IKBKB: variants seen among roughly 807,000 people sequenced by gnomAD.
IKBKB encodes inhibitor of nuclear factor kappa-B kinase subunit beta.
Under a neutral mutation model 113.6 loss-of-function variants are expected in IKBKB, and 42 were observed. The observed-to-expected ratio is 0.37, with a 90% CI of 0.29 to 0.48. IKBKB has a LOEUF of 0.48. Among genes scored for constraint, IKBKB ranks in the 20% least tolerant of loss-of-function variants. The pLI is 0.99. For synonymous variants in IKBKB, 296 were observed against 361.3 expected (o/e 0.82, Z 2.05); for missense variants, 673 against 939.7 (o/e 0.72, Z 3.71).
At chr8:42,305,952 C>T (rs1258895713) in intron 6 of IKBKB, among the ~76,000 whole-genome samples, 1 of 152,244 alleles carries the variant, frequency 6.6e-6, no homozygotes, top group African/African-American at 2.4e-5. Context: ...GCCCTTGTTC[C>T]AGTTCACCCT....
At chr8:42,303,734 T>C (rs1251786456) in intron 5 of IKBKB, among the ~76,000 whole-genome samples, 5 of 152,246 alleles carry the variant, frequency 3.3e-5, no homozygotes, top group Non-Finnish European at 5.9e-5. Flanking sequence ...CTTGAACTCC[T>C]GACCTCAGGT....
intron 8 of IKBKB, chr8:42,314,056 C>T (rs1818217291): frequency 2.5e-6 from 1 of 397,820 alleles, no homozygotes; most frequent in Non-Finnish European, 4.6e-6. Flanking sequence ...TTTACTGTAC[C>T]TTTTCTGGGT....
intron 8 of IKBKB, among the ~76,000 whole-genome samples, chr8:42,312,750 AC>A (rs1817952294): frequency 6.6e-6 from 1 of 152,242 alleles, no homozygotes; most frequent in Non-Finnish European, 1.5e-5. Flanking sequence ...GCTATAAAGC[AC>A]CAGCCTCTGC....
intron 2 of IKBKB, among the ~76,000 whole-genome samples, chr8:42,283,532 G>A (rs1810772121): frequency 6.6e-6 from 1 of 152,180 alleles, no homozygotes; most frequent in African/African-American, 2.4e-5. Flanking sequence ...AAGATGGCGG[G>A]ACATGGCTGA....
intron 8 of IKBKB, 102 bp downstream of exon 8, chr8:42,309,127 C>G (rs1585719063): frequency 7.6e-7 from 1 of 1,318,304 alleles, no homozygotes; most frequent in Non-Finnish European, 1.0e-6. Context: ...CCTGGGAGAT[C>G]TGTGTTGTTT....
intron 5 of IKBKB, among the ~76,000 whole-genome samples, chr8:42,300,255 T>C (rs1585665114): frequency 6.6e-6 from 1 of 152,286 alleles, no homozygotes; most frequent in East Asian, 1.9e-4. Context: ...GCTGGCACAG[T>C]AGGACCCAGG....
rs1820665855 is a variant in IKBKB at position 42,325,993 on chromosome 8, T to C, written c.2010T>C (p.Ser670=). Reference sequence around the variant, plus strand: ...AGAGCAAGGTCCGTGGTCCTGTCAGTGGAAGCCCGGATAGCATGAATGCCT... The same window carrying C: ...AGAGCAAGGTCCGTGGTCCTGTCAGCGGAAGCCCGGATAGCATGAATGCCT... ...IACSKVRGPV[S]GSPDSMNASR... The change falls in exon 20 of 22, where the codon AGT becomes AGC. Residue 670 remains serine (S), a synonymous_variant. Transcript: ENST00000520810. 6.2e-7 allele frequency: 1 copy of C among 1,614,110 alleles called. No individual in the cohort carries two copies. The highest frequency in any genetic ancestry group is 8.5e-7 in the Non-Finnish European group (1 of 1,180,042).
Position 42,319,643 on chromosome 8 carries a change from G to A in IKBKB, c.1575G>A (p.Gly525=). 1 of 1,587,772 alleles carries A rather than the reference G, an allele frequency of 6.3e-7. No individual in the cohort carries two copies. Among genetic ancestry groups the A allele is most frequent in the Non-Finnish European group, 8.5e-7 (1 of 1,171,646 alleles). ...TGGAGCAGGCTGTGGAGCTCTGTGG[G>A]CGGGTAGGAGACTCATTTTGGGTTT... is the stretch of plus-strand genomic sequence containing the variant. ...REMEQAVELC[G]RENEVKLLVE... Residue 525 remains glycine, a synonymous_variant, in exon 15 of 22, where the codon GGG becomes GGA. Transcript: ENST00000520810.
intron 2 of IKBKB, among the ~76,000 whole-genome samples, chr8:42,272,954 A>AC (rs989174740): frequency 6.6e-6 from 1 of 151,114 alleles, no homozygotes; most frequent in African/African-American, 2.4e-5. Flanking sequence ...AAAAAAAAAA[A>AC]AAAAAAACCT....
chr8:42,326,190 A>T (rs1303350751), intron 20 of IKBKB, 93 bp downstream of exon 20: 2 of 1,446,332 alleles, frequency 1.4e-6, no homozygotes, highest in African/African-American at 2.8e-5. Flanking sequence ...TGTCTGTCTG[A>T]TGGTATTACC....
At chr8:42,322,718 G>A (rs1359270404) in intron 19 of IKBKB, among the ~76,000 whole-genome samples, 9 of 152,178 alleles carry the variant, frequency 5.9e-5, no homozygotes, top group African/African-American at 1.9e-4. Flanking sequence ...ACTTTCGTGT[G>A]GCTACTGTAA....
chr8:42,298,636 G>A (rs1412324790), intron 5 of IKBKB: 4 of 267,680 alleles, frequency 1.5e-5, no homozygotes, highest in Non-Finnish European at 2.3e-5. Context: ...GTAACAATGA[G>A]AGAGAAGACA....
chr8:42,277,598 T>C (rs1037328118), intron 2 of IKBKB, among the ~76,000 whole-genome samples: 2 of 152,200 alleles, frequency 1.3e-5, no homozygotes, highest in Admixed American at 1.3e-4. Flanking sequence ...GCTGCCTCTG[T>C]TTTGAGCGCT....
intron 2 of IKBKB, among the ~76,000 whole-genome samples, chr8:42,274,051 G>A (rs1808394520): frequency 6.6e-6 from 1 of 151,130 alleles, no homozygotes. Context: ...TTTTTCCGGA[G>A]ACAGAGTCTC....
chr8:42,301,049 G>T (rs1296768668), intron 5 of IKBKB, among the ~76,000 whole-genome samples: 5 of 151,938 alleles, frequency 3.3e-5, no homozygotes, highest in African/African-American at 2.4e-5. Context: ...TAGAGACAGG[G>T]TCTTGCTATA....
intron 2 of IKBKB, among the ~76,000 whole-genome samples, chr8:42,272,908 C>T (rs1808100171): frequency 6.8e-6 from 1 of 146,000 alleles, no homozygotes; most frequent in Non-Finnish European, 1.5e-5. Context: ...CTACTGCACT[C>T]CAGCCTGGGT....
At chr8:42,293,736 A>T (rs556972989) in intron 5 of IKBKB, among the ~76,000 whole-genome samples, 2 of 152,116 alleles carry the variant, frequency 1.3e-5, no homozygotes, top group African/African-American at 4.8e-5. Flanking sequence ...TGATTAACTC[A>T]TCAGGTGAAT....
intron 21 of IKBKB, chr8:42,329,963 C>T (rs1489715346): frequency 4.1e-6 from 4 of 985,348 alleles, no homozygotes; most frequent in Non-Finnish European, 4.8e-6. Context: ...GCAGCCTTTG[C>T]TGATGTAGTC....
intron 2 of IKBKB, among the ~76,000 whole-genome samples, chr8:42,273,138 C>A (rs1422441710): frequency 6.6e-6 from 1 of 151,076 alleles, no homozygotes; most frequent in Non-Finnish European, 1.5e-5. Flanking sequence ...TTTTAAATGT[C>A]GGGTGCAGTG....
Sources: gnomAD v4.1 joint callset for allele counts (sites outside exome capture counted in the v4.1 genomes callset) on GRCh38, gnomAD v4.1.1 for gene constraint, MANE v1.5 for transcripts, NCBI Gene and HGNC (gene_info 2026-07-23, HGNC 2026-07-21) for gene names.